Variants in LRRC37A2 observed in about 807,000 individuals in gnomAD.
LRRC37A2 encodes leucine-rich repeat-containing protein 37A2.
Under a neutral mutation model 68.8 loss-of-function variants are expected in LRRC37A2, and 9 were observed. That is an observed-to-expected ratio of 0.13 (90% confidence interval 0.08 to 0.23). The LOEUF (loss-of-function observed/expected upper bound fraction) is 0.23, where lower values mean the gene tolerates loss of function less well. LRRC37A2 is among the 10% of genes least tolerant of loss of function. The probability of loss-of-function intolerance (pLI) is 1.00; values close to 1 mark genes in which losing one functional copy is unlikely to be tolerated. For missense variants in LRRC37A2, 168 were observed against 950.4 expected (o/e 0.18, Z 10.82); for synonymous variants, 63 against 367.6 (o/e 0.17, Z 9.48).
chr17:46,768,808 G>A, the LRRC37A2 span: 25 of 1,611,822 alleles, frequency 1.6e-5, no homozygotes, highest in Non-Finnish European at 2.0e-5. The surrounding 1 kb of genome is among the most constrained non-coding windows in gnomAD (Gnocchi z 5.0). Context: ...GTCTGGGGGA[G>A]AGAAGTGGCA....
At chr17:46,496,851 G>A in the LRRC37A2 span, among the ~76,000 whole-genome samples, 1 of 140,902 alleles carries the variant, frequency 7.1e-6, no homozygotes, top group African/African-American at 2.7e-5. Flanking sequence ...GGAGGCAGAG[G>A]CTGCAGTAAG....
the LRRC37A2 span, among the ~76,000 whole-genome samples, chr17:46,404,767 G>T: frequency 1.0e-5 from 1 of 95,772 alleles, no homozygotes; most frequent in Non-Finnish European, 2.5e-5. Context: ...CTACTTGGGA[G>T]GCTGAGGCAG....
the LRRC37A2 span, among the ~76,000 whole-genome samples, chr17:46,892,499 G>A: frequency 6.6e-6 from 1 of 152,288 alleles, no homozygotes; most frequent in African/African-American, 2.4e-5. Flanking sequence ...AGACTCAGCC[G>A]TAGAAAGCAC....
the LRRC37A2 span, chr17:46,773,940 G>A: frequency 3.1e-6 from 5 of 1,605,780 alleles, no homozygotes; most frequent in South Asian, 4.4e-5. Flanking sequence ...GTAACACTGT[G>A]GGCACAAAGC....
At chr17:46,551,111 G>A (rs2056762488) in intron 11 of LRRC37A2, among the ~76,000 whole-genome samples, 1 of 149,768 alleles carries the variant, frequency 6.7e-6, no homozygotes, top group Non-Finnish European at 1.5e-5. Context: ...TAGCCCTCCT[G>A]AGCCTAGACC....
chr17:46,401,310 CAG>C, the LRRC37A2 span, among the ~76,000 whole-genome samples: 1 of 152,030 alleles, frequency 6.6e-6, no homozygotes, highest in African/African-American at 2.4e-5. Context: ...AACATGTAGA[CAG>C]AATAAAATTA....
At chr17:46,904,244 C>G in the LRRC37A2 span, among the ~76,000 whole-genome samples, 1 of 117,370 alleles carries the variant, frequency 8.5e-6, no homozygotes, top group Admixed American at 8.5e-5. Flanking sequence ...GTATGGGTGA[C>G]TGGATGGGTA....
At chr17:46,936,164 C>G in the LRRC37A2 span, 7 of 985,518 alleles carry the variant, frequency 7.1e-6, no homozygotes, top group African/African-American at 3.5e-5. Context: ...TGGGCGCTCC[C>G]CTTTCATGAG....
At chr17:46,657,354 T>A in the LRRC37A2 span, among the ~76,000 whole-genome samples, 2 of 151,858 alleles carry the variant, frequency 1.3e-5, no homozygotes, top group Non-Finnish European at 2.9e-5. Flanking sequence ...AATAGAAATA[T>A]AAAAAATATA....
chr17:46,843,905 T>G, the LRRC37A2 span, among the ~76,000 whole-genome samples: 1 of 152,234 alleles, frequency 6.6e-6, no homozygotes, highest in African/African-American at 2.4e-5. Context: ...TAGCACCAGA[T>G]GCTTATTCAA....
At chr17:46,771,942 C>A in the LRRC37A2 span, among the ~76,000 whole-genome samples, 1 of 147,592 alleles carries the variant, frequency 6.8e-6, no homozygotes, top group South Asian at 2.1e-4. Flanking sequence ...GCGCCGCCGC[C>A]GCGCCTCGCC....
At chr17:46,755,824 A>AAAT in the LRRC37A2 span, 3 of 1,612,228 alleles carry the variant, frequency 1.9e-6, no homozygotes, top group Non-Finnish European at 2.5e-6. Flanking sequence ...TTTTGATTGA[A>AAAT]AATGAACTAT....
At chr17:46,488,483 G>A in the LRRC37A2 span, among the ~76,000 whole-genome samples, 1 of 68,474 alleles carries the variant, frequency 1.5e-5, no homozygotes, top group Non-Finnish European at 3.0e-5. Flanking sequence ...GAGGCGGGCG[G>A]ATCACGAGGT....
the LRRC37A2 span, among the ~76,000 whole-genome samples, chr17:46,499,194 A>C: frequency 7.0e-6 from 1 of 143,274 alleles, no homozygotes; most frequent in Non-Finnish European, 1.5e-5. Context: ...GGGCTCCTGT[A>C]ATCCCAGCTA....
the LRRC37A2 span, among the ~76,000 whole-genome samples, chr17:46,409,734 AAGT>A: frequency 8.2e-6 from 1 of 121,382 alleles, no homozygotes; most frequent in East Asian, 2.2e-4. Context: ...GGTAATAGAA[AAGT>A]AGAAAACATT....
the LRRC37A2 span, chr17:46,923,426 A>G: frequency 3.5e-6 from 5 of 1,434,678 alleles, no homozygotes; most frequent in Non-Finnish European, 4.5e-6. Context: ...GGGCCTGGAG[A>G]CGTGGGGCAG....
In LRRC37A2 at chr17:46,549,243, A is replaced by G. The variant is rs1248974301; in HGVS notation, c.4104A>G (p.Gln1368=). ...CATCCTTAGGAGACCTGAGTCCTCA[A>G]GAAAACCCTTTTCTGGAAGTATCTG... Residue 1368 remains glutamine, a synonymous_variant, in exon 10 of 15, where the codon CAA becomes CAG. Transcript: ENST00000576629. 15 of 1,611,300 alleles carry G rather than the reference A, an allele frequency of 9.3e-6. 1 individual carries two copies. The highest frequency in any genetic ancestry group is 2.2e-5 in the East Asian group (1 of 44,684).
At chr17:46,832,336 G>T in the LRRC37A2 span, among the ~76,000 whole-genome samples, 1 of 151,182 alleles carries the variant, frequency 6.6e-6, no homozygotes, top group Non-Finnish European at 1.5e-5. Context: ...CTGGTTGTTG[G>T]CTGCGAAGTG....
At chr17:46,837,678 G>A in the LRRC37A2 span, among the ~76,000 whole-genome samples, 9 of 152,198 alleles carry the variant, frequency 5.9e-5, no homozygotes, top group African/African-American at 2.2e-4. Context: ...GGAAGGTGGT[G>A]ATGCCCCTGC....
Sources: gnomAD v4.1 joint callset for allele counts (sites outside exome capture counted in the v4.1 genomes callset) on GRCh38, gnomAD v4.1.1 for gene constraint, Gnocchi (gnomAD v3.1) non-coding constraint, MANE v1.5 for transcripts, NCBI Gene and HGNC (gene_info 2026-07-23, HGNC 2026-07-21) for gene names.